Variants in CEP72 observed in about 807,000 individuals in gnomAD.
CEP72 encodes the protein centrosomal protein of 72 kDa.
In CEP72, 78 loss-of-function variants were observed where a neutral mutation model predicts 65.7. The ratio of observed to expected loss-of-function variants is 1.19; its 90% CI spans 0.99 to 1.43. The LOEUF is 1.43. Ranked by LOEUF, CEP72 falls within the 40% of genes most tolerant of loss-of-function variation. CEP72 has a pLI of 0.00. For synonymous variants in CEP72, 358 were observed against 351.7 expected (o/e 1.02, Z -0.20); for missense variants, 914 against 832.9 (o/e 1.10, Z -1.20).
At chr5:634,087 T>A (rs1737421549) in intron 5 of CEP72, 140 bp downstream of exon 5, 2 of 711,478 alleles carry the variant, frequency 2.8e-6, no homozygotes, top group East Asian at 5.4e-5. Context: ...TGTCTTTGTG[T>A]GCTTTCGAAT....
intron 4 of CEP72, among the ~76,000 whole-genome samples, chr5:633,555 A>G (rs1737369202): frequency 6.6e-6 from 1 of 152,200 alleles, no homozygotes; most frequent in Non-Finnish European, 1.5e-5. Flanking sequence ...GGATGCTGTC[A>G]TGTTATCACG....
intron 8 of CEP72, 88 bp downstream of exon 8, chr5:639,312 C>G: frequency 7.0e-7 from 1 of 1,438,824 alleles, no homozygotes; most frequent in Non-Finnish European, 9.3e-7. Flanking sequence ...TAGGAGTCAT[C>G]TCAGCCCCAG....
intron 10 of CEP72, among the ~76,000 whole-genome samples, chr5:647,484 C>A (rs1738499241): frequency 6.6e-6 from 1 of 152,180 alleles, no homozygotes; most frequent in African/African-American, 2.4e-5. Context: ...GGAGGAGGAA[C>A]CAGCAGACAG....
At chr5:664,935 C>T (rs979434049) in intron 2 of CEP72, 11 of 725,978 alleles carry the variant, frequency 1.5e-5, no homozygotes, top group East Asian at 2.7e-5. Flanking sequence ...TGGGGGCATC[C>T]GGTAGGAGGA....
chr5:647,782 T>C (rs760919264), intron 10 of CEP72, 23 bp from the exon 11 acceptor site: 1 of 1,354,852 alleles, frequency 7.4e-7, no homozygotes, highest in Non-Finnish European at 1.0e-6. Context: ...TTAATGGTAC[T>C]TTTTTTTTTC....
chr5:617,041 C>G (rs1736040876), intron 1 of CEP72, among the ~76,000 whole-genome samples: 1 of 152,116 alleles, frequency 6.6e-6, no homozygotes, highest in Admixed American at 6.5e-5. Context: ...AGAGTCTGTC[C>G]TGCCAGGCCC....
the CEP72 span, among the ~76,000 whole-genome samples, chr5:672,195 C>T: frequency 3.4e-4 from 52 of 152,312 alleles, no homozygotes; most frequent in Non-Finnish European, 5.7e-4. Flanking sequence ...ACCACAGACC[C>T]CAGTGCCGGC....
intron 4 of CEP72, among the ~76,000 whole-genome samples, chr5:627,310 A>C (rs1301127220): frequency 2.6e-5 from 4 of 152,118 alleles, no homozygotes; most frequent in African/African-American, 4.8e-5. Flanking sequence ...TGTCTCTGGG[A>C]TCTGTGGTGA....
At chr5:665,935 C>T in intron 3 of CEP72, 2 of 1,322,944 alleles carry the variant, frequency 1.5e-6, no homozygotes, top group South Asian at 1.6e-5. Flanking sequence ...CCCCCACCCC[C>T]TCCAGGCCCC....
chr5:618,170 G>A (rs1195583071), intron 1 of CEP72, among the ~76,000 whole-genome samples: 1 of 152,218 alleles, frequency 6.6e-6, no homozygotes, highest in African/African-American at 2.4e-5. Flanking sequence ...GGGGAGAGAC[G>A]GTTTTGGAGG....
chr5:652,563 G>T (rs1307398709), intron 11 of CEP72, among the ~76,000 whole-genome samples: 3 of 152,212 alleles, frequency 2.0e-5, no homozygotes, highest in Non-Finnish European at 4.4e-5. Context: ...GCACTATTAT[G>T]ATGTCAAAAT....
At chr5:644,175 T>G in intron 9 of CEP72, 124 bp from the exon 10 acceptor site, 3 of 1,090,564 alleles carry the variant, frequency 2.8e-6, no homozygotes, top group Non-Finnish European at 4.1e-6. Flanking sequence ...TTACTGCCTT[T>G]CACATCGTGA....
chr5:626,936 G>A (rs1736795819), intron 4 of CEP72, among the ~76,000 whole-genome samples: 1 of 152,186 alleles, frequency 6.6e-6, no homozygotes, highest in Non-Finnish European at 1.5e-5. Flanking sequence ...TTTTTAAATT[G>A]AGGATTTTTG....
At chr5:644,726 C>T (rs1738301372) in intron 10 of CEP72, among the ~76,000 whole-genome samples, 1 of 152,178 alleles carries the variant, frequency 6.6e-6, no homozygotes, top group African/African-American at 2.4e-5. Flanking sequence ...GCTGGAGGGG[C>T]CTGGTCACTG....
intron 1 of CEP72, among the ~76,000 whole-genome samples, chr5:614,829 A>G (rs768445063): frequency 1.3e-5 from 2 of 152,122 alleles, no homozygotes; most frequent in Non-Finnish European, 2.9e-5. Flanking sequence ...ATGTTGTTGA[A>G]TGTTCCAGGT....
At chr5:627,863 A>G (rs1011229390) in intron 4 of CEP72, among the ~76,000 whole-genome samples, 4 of 152,212 alleles carry the variant, frequency 2.6e-5, no homozygotes, top group African/African-American at 7.2e-5. Flanking sequence ...AAAAGTCACA[A>G]ACATCACAGA....
chr5:634,748 G>A (rs1193464258), intron 5 of CEP72, among the ~76,000 whole-genome samples: 1 of 152,136 alleles, frequency 6.6e-6, no homozygotes, highest in Non-Finnish European at 1.5e-5. Context: ...GATCTTGGTG[G>A]TTTTGACACA....
chr5:618,283 T>C (rs947831353), intron 1 of CEP72, among the ~76,000 whole-genome samples: 2 of 152,208 alleles, frequency 1.3e-5, no homozygotes, highest in East Asian at 1.9e-4. Context: ...AGTGCTGATA[T>C]TCCAACTCCA....
chr5:619,162 A>G (rs748672879), intron 2 of CEP72, 45 bp downstream of exon 2: 2 of 1,576,628 alleles, frequency 1.3e-6, no homozygotes, highest in Non-Finnish European at 1.7e-6. Context: ...TATCAACATC[A>G]GTGGAAAGTC....
Sources: allele counts gnomAD v4.1 joint callset (sites outside exome capture counted in the v4.1 genomes callset), GRCh38; gene constraint gnomAD v4.1.1; transcripts MANE v1.5; gene names NCBI Gene and HGNC (gene_info 2026-07-23, HGNC 2026-07-21).